Variants in ESRRG observed in about 807,000 individuals in gnomAD.
ESRRG encodes the protein estrogen related receptor gamma.
In ESRRG, 13 loss-of-function variants were observed where a neutral mutation model predicts 44.0. The ratio of observed to expected loss-of-function variants is 0.30; its 90% CI spans 0.19 to 0.47. The LOEUF (loss-of-function observed/expected upper bound fraction) is 0.47, where lower values mean the gene tolerates loss of function less well. ESRRG is among the 20% of genes least tolerant of loss of function. ESRRG has a pLI of 1.00. For synonymous variants in ESRRG, 215 were observed against 214.6 expected, an observed-to-expected ratio of 1.00 and a Z score of -0.02; for missense variants, 395 against 580.6, an observed-to-expected ratio of 0.68 and a Z score of 3.29.
At chr1:216,663,228 T>C (rs1436708452) in intron 2 of ESRRG, among the ~76,000 whole-genome samples, 1 of 152,038 alleles carries the variant, frequency 6.6e-6, no homozygotes, top group Non-Finnish European at 1.5e-5. Context: ...ACTTTGGAAG[T>C]AGTGAAGATG....
intron 3 of ESRRG, among the ~76,000 whole-genome samples, chr1:216,638,752 C>T (rs990893296): frequency 2.6e-5 from 4 of 152,176 alleles, no homozygotes; most frequent in South Asian, 2.1e-4. Flanking sequence ...TCTCAAAACA[C>T]ACTTGTTGAA....
rs149171590 is a variant in ESRRG, at chr1:216,879,968, T to C, written c.-14+59614A>G. Among the ~76,000 whole-genome samples the C allele has an allele frequency of 1.5e-3, 234 of 152,204 alleles. 8 individuals carry two copies. In the East Asian group the frequency reaches 0.037, roughly 24 times the overall value. The stretch of plus-strand genomic sequence containing the variant: ...CTTAAATGCCTCTGTATTGACAAGG[T>C]GTGTATTTATTTAAAATTATTGTAA... On this transcript the variant is annotated intron_variant, in intron 2 of 7. Transcript: ENST00000359162.
At chr1:216,739,607 C>T (rs2152212796) in intron 2 of ESRRG, among the ~76,000 whole-genome samples, 1 of 152,260 alleles carries the variant, frequency 6.6e-6, no homozygotes, top group Middle Eastern at 3.4e-3. Context: ...CCCAGAGAAA[C>T]CCTGGGGATA....
intron 1 of ESRRG, among the ~76,000 whole-genome samples, chr1:216,718,798 T>A (rs1421035414): frequency 6.6e-6 from 1 of 152,044 alleles, no homozygotes; most frequent in Non-Finnish European, 1.5e-5. Flanking sequence ...CTCTCTTCCA[T>A]GAATTTGCTA....
At chr1:217,090,036 TA>T (rs541608195), upstream of ESRRG, among the ~76,000 whole-genome samples, 8 of 152,078 alleles carry the variant, frequency 5.3e-5, no homozygotes, top group Non-Finnish European at 1.2e-4. Flanking sequence ...TATATTTTTC[TA>T]AAAAAAATTC....
chr1:216,707,397 T>C, intron 1 of ESRRG: 2 of 1,536,022 alleles, frequency 1.3e-6, no homozygotes, highest in Non-Finnish European at 8.7e-7. Context: ...CAGACTTGAC[T>C]GCTCCAAGAC....
chr1:216,683,040 T>C (rs1408286305), intron 1 of ESRRG, among the ~76,000 whole-genome samples: 1 of 152,096 alleles, frequency 6.6e-6, no homozygotes, highest in East Asian at 1.9e-4. Flanking sequence ...CAACGTGTGA[T>C]TTGAGAAAAC....
At chr1:216,632,334 A>G (rs538726482) in intron 3 of ESRRG, among the ~76,000 whole-genome samples, 15 of 152,284 alleles carry the variant, frequency 9.9e-5, no homozygotes, top group African/African-American at 3.6e-4. Context: ...ATTTGTGAAA[A>G]CTTTTTGCTA....
intron 1 of ESRRG, among the ~76,000 whole-genome samples, chr1:217,062,489 A>G (rs1416355074): frequency 1.9e-4 from 29 of 152,208 alleles, no homozygotes; most frequent in Admixed American, 1.9e-3. Context: ...TTGAGATCAC[A>G]GCACTTCTAG....
intron 2 of ESRRG, among the ~76,000 whole-genome samples, chr1:216,854,194 T>C (rs2095883198): frequency 1.3e-5 from 2 of 151,518 alleles, no homozygotes; most frequent in Admixed American, 1.3e-4. Context: ...CTGTCTCTAC[T>C]AAAAATACAA....
At chr1:216,573,588 C>T (rs992070955) in intron 3 of ESRRG, among the ~76,000 whole-genome samples, 2 of 151,538 alleles carry the variant, frequency 1.3e-5, no homozygotes, top group Admixed American at 6.6e-5. Context: ...GAGATATGAT[C>T]GAACGGTAAA....
In ESRRG at chr1:217,102,969, G is replaced by A. The variant is rs182401588; in HGVS notation, c.-230+34698C>T. On this transcript the variant is annotated intron_variant, in intron 1 of 8. Transcript: ENST00000366940. ...GAGAGAAGGGGAATAAAGAAGAGAG[G>A]GCCTGCTTGGCAGAGGGGAAATATG... Among the ~76,000 whole-genome samples, 449 of 152,240 alleles carry A rather than the reference G, an allele frequency of 2.9e-3. 2 individuals carry two copies. The highest frequency in any genetic ancestry group is 0.01 in the African/African-American group (425 of 41,540).
chr1:217,057,129 C>T (rs781662316), intron 1 of ESRRG, among the ~76,000 whole-genome samples: 1 of 152,120 alleles, frequency 6.6e-6, no homozygotes, highest in African/African-American at 2.4e-5. Context: ...AGTGGCTTCA[C>T]ATTTGAGCCA....
At chr1:217,096,618 A>T (rs1039329372) in intron 1 of ESRRG, among the ~76,000 whole-genome samples, 4 of 107,600 alleles carry the variant, frequency 3.7e-5, no homozygotes, top group African/African-American at 1.6e-4. Context: ...GAACCCAATC[A>T]CATGTTTAAA....
chr1:216,801,893 T>C (rs2094633670), intron 2 of ESRRG, among the ~76,000 whole-genome samples: 1 of 152,188 alleles, frequency 6.6e-6, no homozygotes, highest in Admixed American at 6.6e-5. Flanking sequence ...ATCTGGTTCC[T>C]ATTGCATACA....
chr1:217,114,141 G>A (rs2092692180), intron 1 of ESRRG, among the ~76,000 whole-genome samples: 1 of 152,058 alleles, frequency 6.6e-6, no homozygotes, highest in South Asian at 2.1e-4. Flanking sequence ...AAAGATTACT[G>A]TTAGTTTGAT....
At chr1:216,725,694 A>T (rs539824949), upstream of ESRRG, among the ~76,000 whole-genome samples, 1 of 152,140 alleles carries the variant, frequency 6.6e-6, no homozygotes, top group East Asian at 1.9e-4. Context: ...AAAAAGATAC[A>T]CACACACACA....
At chr1:217,017,863 C>T (rs1260986342) in intron 1 of ESRRG, among the ~76,000 whole-genome samples, 1 of 152,174 alleles carries the variant, frequency 6.6e-6, no homozygotes, top group Non-Finnish European at 1.5e-5. Context: ...TGCATAACCC[C>T]TTAGCAGGGC....
In ESRRG at chr1:216,620,564, G is replaced by A. The variant is rs758577455; in HGVS notation, c.589+30409C>T. ...GAGGCCTAATTGTGACAATAAGCAT[G>A]CACTTTGGTGAGCTGGAGTCATTGA... On this transcript the variant is annotated intron_variant, in intron 3 of 6. Coordinates refer to ENST00000408911, the MANE Select transcript of ESRRG (RefSeq NM_001438.4). Among the ~76,000 whole-genome samples, 90 of 152,176 alleles carry A rather than the reference G, an allele frequency of 5.9e-4. 1 individual carries two copies. The highest frequency in any genetic ancestry group is 2.1e-4 in the Non-Finnish European group (14 of 68,018).
Sources: allele counts gnomAD v4.1 joint callset (sites outside exome capture counted in the v4.1 genomes callset), GRCh38; gene constraint gnomAD v4.1.1; transcripts MANE v1.5; gene names NCBI Gene and HGNC (gene_info 2026-07-23, HGNC 2026-07-21).